BMPR1B: variants seen among roughly 807,000 people sequenced by gnomAD.
The protein encoded by BMPR1B is bone morphogenetic protein receptor type 1B, also known as bone morphogenetic protein receptor type-1B.
Under a neutral mutation model 59.1 loss-of-function variants are expected in BMPR1B, and 12 were observed. The ratio of observed to expected loss-of-function variants is 0.20; its 90% CI spans 0.13 to 0.33. The LOEUF is 0.33. BMPR1B is among the 10% of genes least tolerant of loss of function. BMPR1B has a pLI of 1.00. For missense variants in BMPR1B, 550 were observed against 610.9 expected (o/e 0.90, Z 1.05); for synonymous variants, 237 against 207.3 (o/e 1.14, Z -1.23).
rs535618079 is a variant in BMPR1B, at chr4:95,067,111, T to G, written c.-17-37297T>G. Reference sequence around the variant, plus strand: ...TGAATGATTTAATAGAACTTTGGAATTTTCAAACTGAAGTGATATTTTTAT... The same window carrying G: ...TGAATGATTTAATAGAACTTTGGAAGTTTCAAACTGAAGTGATATTTTTAT... On this transcript the variant is annotated intron_variant, in intron 3 of 12. Transcript: ENST00000515059. Among the ~76,000 whole-genome samples, 743 of 152,290 alleles carry G rather than the reference T, an allele frequency of 4.9e-3. 8 individuals are homozygous for G. The highest frequency in any genetic ancestry group is 0.017 in the African/African-American group (714 of 41,570).
intron 1 of BMPR1B, among the ~76,000 whole-genome samples, chr4:94,758,389 C>T (rs1256849581): frequency 1.3e-5 from 2 of 150,450 alleles, no homozygotes; most frequent in Non-Finnish European, 3.0e-5. Flanking sequence ...GTCGGGGCAG[C>T]GGCGGCGGCG....
At chr4:95,131,066 A>C (rs943637856) in intron 9 of BMPR1B, 149 bp from the exon 10 acceptor site, 1 of 799,608 alleles carries the variant, frequency 1.3e-6, no homozygotes, top group African/African-American at 1.7e-5. Context: ...TATTGGTATT[A>C]GTCATTTAAT....
intron 2 of BMPR1B, among the ~76,000 whole-genome samples, chr4:94,901,991 CATACTCTGGTTCATTTCAACAA>C (rs1727826739): frequency 6.7e-6 from 1 of 150,310 alleles, no homozygotes; most frequent in Non-Finnish European, 1.5e-5. Flanking sequence ...CTCTGCTATA[CATACTCTGGTTCATTTCAACAA>C]TAGACTGGTT....
chr4:95,055,731 T>C (rs2077385), intron 3 of BMPR1B, among the ~76,000 whole-genome samples: 72,643 of 152,024 alleles, frequency 0.48, 17,839 homozygotes, highest in East Asian at 0.69. Context: ...ACTGAAATTA[T>C]TTGGTTTCAC....
chr4:94,927,003 A>C (rs962408391), intron 2 of BMPR1B, among the ~76,000 whole-genome samples: 43 of 152,132 alleles, frequency 2.8e-4, no homozygotes, highest in African/African-American at 9.9e-4. Flanking sequence ...ACTTTCTTTG[A>C]AAGTTATTTG....
chr4:95,140,915 C>T (rs557023947), intron 10 of BMPR1B, among the ~76,000 whole-genome samples: 1 of 152,200 alleles, frequency 6.6e-6, no homozygotes, highest in South Asian at 2.1e-4. Flanking sequence ...AACTGAATGA[C>T]CTCTCAAATT....
intron 2 of BMPR1B, among the ~76,000 whole-genome samples, chr4:94,955,868 A>G (rs547395708): frequency 7.2e-5 from 11 of 152,194 alleles, no homozygotes; most frequent in African/African-American, 2.4e-4. Flanking sequence ...GCTTCAGGTG[A>G]TCCGCCTGCC....
intron 1 of BMPR1B, among the ~76,000 whole-genome samples, chr4:94,820,935 A>G (rs1724185878): frequency 6.6e-6 from 1 of 152,228 alleles, no homozygotes; most frequent in Non-Finnish European, 1.5e-5. Flanking sequence ...AAGAGAGATC[A>G]TTAGAGTGCA....
chr4:94,929,835 C>T (rs1029112849), intron 2 of BMPR1B, among the ~76,000 whole-genome samples: 6 of 152,032 alleles, frequency 3.9e-5, no homozygotes, highest in Admixed American at 2.6e-4. Context: ...AAGCTTGACA[C>T]GTCCCATGTC....
chr4:94,765,935 C>A (rs1220500862), intron 1 of BMPR1B, among the ~76,000 whole-genome samples: 1 of 152,072 alleles, frequency 6.6e-6, no homozygotes, highest in Non-Finnish European at 1.5e-5. Context: ...AGTTGTGAGA[C>A]CTTGGGCAAG....
chr4:95,144,613 G>C (rs1734506835), intron 10 of BMPR1B, among the ~76,000 whole-genome samples: 1 of 151,614 alleles, frequency 6.6e-6, no homozygotes, highest in Non-Finnish European at 1.5e-5. Context: ...TTCTACTTAA[G>C]TCTGAATCTC....
At chr4:95,049,299 G>C (rs971727794) in intron 3 of BMPR1B, among the ~76,000 whole-genome samples, 1 of 151,880 alleles carries the variant, frequency 6.6e-6, no homozygotes, top group African/African-American at 2.4e-5. Context: ...AATTATTTTA[G>C]AGACAGGGTC....
rs1406901953 is a variant in BMPR1B, at chr4:94,949,314, T to TATGGCTGCATAG, written c.-112-46726_-112-46725insATGGCTGCATAG. Among the ~76,000 whole-genome samples, 374 of 103,218 alleles carry TATGGCTGCATAG rather than the reference T, an allele frequency of 3.6e-3. 5 individuals are homozygous for TATGGCTGCATAG. Among genetic ancestry groups the TATGGCTGCATAG allele is most frequent in the Middle Eastern group, 0.015 (3 of 194 alleles). 67.7% of individuals were successfully genotyped at this position (103,218 alleles called of 152,430 possible). On this transcript the variant is annotated intron_variant, in intron 2 of 12. Transcript: ENST00000515059. ...CAAAGGACATGAACTCATTCTTTTT[T>TATGGCTGCATAG]TTTTTTTTTTTTTGAGACGGAGTCT...
At chr4:94,781,592 A>G (rs1722591708) in intron 1 of BMPR1B, among the ~76,000 whole-genome samples, 3 of 152,044 alleles carry the variant, frequency 2.0e-5, no homozygotes, top group Admixed American at 1.3e-4. Context: ...TTGTATTTTT[A>G]GTAGAGATGG....
intron 1 of BMPR1B, among the ~76,000 whole-genome samples, chr4:94,835,693 C>G (rs1296246500): frequency 6.6e-6 from 1 of 152,164 alleles, no homozygotes; most frequent in Non-Finnish European, 1.5e-5. Context: ...ATTCTGTTTT[C>G]TAAGACTACA....
intron 4 of BMPR1B, among the ~76,000 whole-genome samples, chr4:95,105,921 T>G (rs970647055): frequency 2.0e-5 from 3 of 151,828 alleles, no homozygotes; most frequent in Non-Finnish European, 4.4e-5. Flanking sequence ...GTGTCTTAAG[T>G]CTGTGGTATT....
chr4:94,774,656 A>C (rs1042031855), intron 1 of BMPR1B, among the ~76,000 whole-genome samples: 3 of 151,956 alleles, frequency 2.0e-5, no homozygotes. Flanking sequence ...ATTCCTGTTG[A>C]CTCAGTCCCT....
chr4:95,036,871 G>T (rs1725286745), intron 3 of BMPR1B, among the ~76,000 whole-genome samples: 1 of 151,876 alleles, frequency 6.6e-6, no homozygotes, highest in South Asian at 2.1e-4. Context: ...CTACATCCTT[G>T]TCGGCATTTG....
At chr4:95,106,219 T>C (rs989364977) in intron 4 of BMPR1B, among the ~76,000 whole-genome samples, 5 of 152,008 alleles carry the variant, frequency 3.3e-5, no homozygotes, top group African/African-American at 1.2e-4. Flanking sequence ...TGGTGGGCTA[T>C]ATTAAGAACG....
Sources: allele counts gnomAD v4.1 joint callset (sites outside exome capture counted in the v4.1 genomes callset), GRCh38; gene constraint gnomAD v4.1.1; transcripts MANE v1.5; gene names NCBI Gene and HGNC (gene_info 2026-07-23, HGNC 2026-07-21).